The following ATG2B variants were observed in gnomAD, a reference collection of about 807,000 sequenced individuals.
The protein encoded by ATG2B is autophagy-related protein 2 homolog B.
In ATG2B, 121 loss-of-function variants were observed where a neutral mutation model predicts 241.3. The ratio of observed to expected loss-of-function variants is 0.50; its 90% CI spans 0.43 to 0.58. The LOEUF (loss-of-function observed/expected upper bound fraction) is 0.58, where lower values mean the gene tolerates loss of function less well. ATG2B is among the 20% of genes least tolerant of loss of function. ATG2B has a pLI of 0.00. For missense variants in ATG2B, 2,306 were observed against 2,491.6 expected, an observed-to-expected ratio of 0.93 and a Z score of 1.59; for synonymous variants, 858 against 876.6, an observed-to-expected ratio of 0.98 and a Z score of 0.37.
Position 96,295,146 on chromosome 14 carries a change from T to C in ATG2B, c.5240A>G (p.Asp1747Gly). The C allele has an allele frequency of 6.2e-7, 1 of 1,614,166 alleles. No homozygotes were observed. The highest frequency in any genetic ancestry group is 8.5e-7 in the Non-Finnish European group (1 of 1,180,016). Residue 1747 changes from aspartate to glycine, a missense_variant, in exon 36 of 42, where the codon GAT becomes GGT. By Grantham distance (94) the Asp-to-Gly change is moderately conservative. Coordinates refer to ENST00000359933, the MANE Select transcript of ATG2B (RefSeq NM_018036.7). The stretch of plus-strand genomic sequence containing the variant: ...ATGCCTTGGCAAACTGCAGGTGACA[T>C]CAGCTCCAGGAGACTTTTTAACTGA... ...DPEVKKSPGA[D>G]VTCSLPRHLS...
intron 6 of ATG2B, among the ~76,000 whole-genome samples, chr14:96,335,638 C>T (rs1229587092): frequency 6.6e-6 from 1 of 152,156 alleles, no homozygotes; most frequent in African/African-American, 2.4e-5. Flanking sequence ...GCCCTCACTC[C>T]TTCCACGGCA....
chr14:96,351,788 C>A (rs955654507), intron 1 of ATG2B, among the ~76,000 whole-genome samples: 1 of 151,110 alleles, frequency 6.6e-6, no homozygotes, highest in Non-Finnish European at 1.5e-5. Context: ...GTAGTCCCAG[C>A]TCCTTGGCGG....
intron 1 of ATG2B, among the ~76,000 whole-genome samples, chr14:96,361,744 G>T (rs181114178): frequency 6.6e-6 from 1 of 152,076 alleles, no homozygotes; most frequent in Non-Finnish European, 1.5e-5. Flanking sequence ...TCACCTCCTG[G>T]TGAGCGACTG....
chr14:96,342,298 C>G (rs1426217735), intron 5 of ATG2B, among the ~76,000 whole-genome samples: 2 of 152,070 alleles, frequency 1.3e-5, no homozygotes, highest in East Asian at 3.9e-4. Context: ...GCCAACATGA[C>G]ACTCCCACAA....
At chr14:96,300,404 T>C (rs957711637) in intron 34 of ATG2B, among the ~76,000 whole-genome samples, 1 of 152,086 alleles carries the variant, frequency 6.6e-6, no homozygotes, top group East Asian at 1.9e-4. Flanking sequence ...TATGCGCCTA[T>C]AATCCCAGCT....
chr14:96,306,590 A>C, intron 30 of ATG2B, 124 bp downstream of exon 30: 1 of 392,314 alleles, frequency 2.5e-6, no homozygotes, highest in Non-Finnish European at 4.1e-6. Flanking sequence ...TAGTATATTA[A>C]AAAAAAAAAA....
In ATG2B at chr14:96,352,678, T is replaced by C. The variant is rs901969606; in HGVS notation, c.163-5337A>G. 5.9e-5 allele frequency among the ~76,000 whole-genome samples: 9 copies of C among 152,236 alleles called. No homozygotes were observed. In the East Asian group the frequency reaches 1.2e-3, roughly 20 times the overall value. On this transcript the variant is annotated intron_variant, in intron 1 of 41. Coordinates refer to ENST00000359933, the MANE Select transcript of ATG2B (RefSeq NM_018036.7). ...ATAAGAATATAAAGAAAAAGTATTTTTGCATAGCTGTACAATGTGTGTTTA... is the reference window on the plus strand; with the variant it reads ...ATAAGAATATAAAGAAAAAGTATTTCTGCATAGCTGTACAATGTGTGTTTA...
intron 2 of ATG2B, among the ~76,000 whole-genome samples, chr14:96,346,020 T>C (rs767422060): frequency 1.4e-4 from 21 of 152,136 alleles, no homozygotes; most frequent in Non-Finnish European, 2.8e-4. Context: ...ATACGATTAG[T>C]AGACAACTAT....
chr14:96,341,385 A>T (rs1888030364), intron 6 of ATG2B, 137 bp downstream of exon 6: 1 of 591,104 alleles, frequency 1.7e-6, no homozygotes, highest in Non-Finnish European at 2.6e-6. Context: ...AACTGAGAGT[A>T]AAAATGCTAA....
In ATG2B at chr14:96,290,779, A is replaced by G. The variant is rs748700134; in HGVS notation, c.5701+35T>C. On this transcript the variant is annotated intron_variant, in intron 39 of 41. Coordinates refer to ENST00000359933, the MANE Select transcript of ATG2B (RefSeq NM_018036.7). The surrounding 1 kb of genome is among the most constrained non-coding windows in gnomAD (Gnocchi z 4.4). The stretch of plus-strand genomic sequence containing the variant: ...ATAAGAATTACTCATCTGAAAAAAT[A>G]ACTTATCTTTTGATTAAAAAAGAAG... 8 of 1,589,536 alleles carry G rather than the reference A, an allele frequency of 5.0e-6. No homozygotes were observed. In the Admixed American group the frequency reaches 1.5e-4, roughly 30 times the overall value.
chr14:96,288,620 A>T (rs776785077), intron 41 of ATG2B, among the ~76,000 whole-genome samples: 7 of 152,150 alleles, frequency 4.6e-5, no homozygotes, highest in Non-Finnish European at 1.0e-4. Context: ...GGGACCACAG[A>T]GGCTACTTTT....
At position 96,304,537 on chromosome 14, in the gene ATG2B, T is replaced by C. The variant is rs776347865; in HGVS notation, c.4800A>G (p.Lys1600=). Residue 1600 remains lysine, a synonymous_variant, in exon 32 of 42, where the codon AAA becomes AAG. Coordinates refer to ENST00000359933, the MANE Select transcript of ATG2B (RefSeq NM_018036.7). The stretch of plus-strand genomic sequence containing the variant: ...CCATTAAAAAGTCATGGTTCCTTCC[T>C]TTTCCCCCACATACTGTATTACGTC... The part of the protein sequence containing the change: ...RHGRNTVCGG[K]GRNHDFLMEI... 6 of 1,612,704 alleles carry C rather than the reference T, an allele frequency of 3.7e-6. No homozygotes were observed. In the African/African-American group the frequency reaches 6.7e-5, roughly 18 times the overall value.
At chr14:96,297,045 T>C (rs1318965830) in intron 34 of ATG2B, among the ~76,000 whole-genome samples, 5 of 152,286 alleles carry the variant, frequency 3.3e-5, no homozygotes, top group African/African-American at 1.2e-4. Flanking sequence ...GGGTAGTGGG[T>C]TCATGAATTG....
At position 96,290,260 on chromosome 14, in the gene ATG2B, T is replaced by A. The variant is rs546580016; in HGVS notation, c.5856+176A>T. The A allele has an allele frequency of 7.6e-5, 95 of 1,251,790 alleles. No homozygotes were observed. In the East Asian group the frequency reaches 2.4e-3, roughly 32 times the overall value. 77.5% of individuals were successfully genotyped at this position (1,251,790 alleles called of 1,614,324 possible). On this transcript the variant is annotated intron_variant, in intron 40 of 41. Coordinates refer to ENST00000359933, the MANE Select transcript of ATG2B (RefSeq NM_018036.7). The surrounding 1 kb of genome is among the most constrained non-coding windows in gnomAD (Gnocchi z 4.4). Reference sequence around the variant, plus strand: ...GACACTGTATTCCACTGCTTTATTCTAATTATTTAACACTAAACATTTAAG... The same window carrying A: ...GACACTGTATTCCACTGCTTTATTCAAATTATTTAACACTAAACATTTAAG...
In ATG2B at chr14:96,285,236, A is replaced by G. The variant is rs1886302874; in HGVS notation, c.*519T>C. The G allele has an allele frequency of 6.5e-6, 1 of 154,834 alleles. No homozygotes were observed. The highest frequency in any genetic ancestry group is 1.4e-5 in the Non-Finnish European group (1 of 69,610). The allele number at this position is 154,834 out of a possible 1,614,324, so 9.6% of individuals were successfully genotyped here. Reference sequence around the variant, plus strand: ...AGAAGGATTTTCGGAGTAAATGGAAATAATGTTGTTCTCAAGTGCATGAAC... The same window carrying G: ...AGAAGGATTTTCGGAGTAAATGGAAGTAATGTTGTTCTCAAGTGCATGAAC... On this transcript the variant is annotated 3_prime_UTR_variant, in exon 42 of 42. Coordinates refer to ENST00000359933, the MANE Select transcript of ATG2B (RefSeq NM_018036.7). This position sits in a 1 kb window ranked among gnomAD's most constrained non-coding sequence, Gnocchi z 4.2.
intron 23 of ATG2B, among the ~76,000 whole-genome samples, 175 bp from the exon 24 acceptor site, chr14:96,313,610 T>C (rs1362652145): frequency 6.6e-6 from 1 of 152,164 alleles, no homozygotes; most frequent in African/African-American, 2.4e-5. Flanking sequence ...CAAAAAGTAC[T>C]TGCATCAGAA....
intron 36 of ATG2B, 75 bp from the exon 37 acceptor site, chr14:96,292,173 T>C (rs111483682): frequency 6.5e-6 from 6 of 918,208 alleles, no homozygotes; most frequent in African/African-American, 1.7e-5. Context: ...AATTAATTTG[T>C]TCAATTGGAG....
chr14:96,339,982 A>G (rs1035776693), intron 6 of ATG2B, among the ~76,000 whole-genome samples: 1 of 150,810 alleles, frequency 6.6e-6, no homozygotes, highest in African/African-American at 2.4e-5. Context: ...AAGGAAAGCA[A>G]TATACCAAAG....
intron 29 of ATG2B, among the ~76,000 whole-genome samples, 196 bp downstream of exon 29, chr14:96,309,257 C>T (rs1263642313): frequency 6.6e-6 from 1 of 152,248 alleles, no homozygotes. Context: ...CTTCTACTCA[C>T]TCTGCATTCC....
Sources: allele counts gnomAD v4.1 joint callset (sites outside exome capture counted in the v4.1 genomes callset), GRCh38; gene constraint gnomAD v4.1.1; non-coding constraint Gnocchi (gnomAD v3.1); transcripts MANE v1.5; gene names NCBI Gene and HGNC (gene_info 2026-07-23, HGNC 2026-07-21).